RNF41: variants seen among roughly 807,000 people sequenced by gnomAD.
The protein encoded by RNF41 is ring finger protein 41.
In RNF41, 4 loss-of-function variants were observed where a neutral mutation model predicts 33.0. The observed-to-expected ratio is 0.12, with a 90% confidence interval of 0.06 to 0.28. RNF41 has a LOEUF of 0.28. Ranked by LOEUF, RNF41 falls within the 10% of genes least tolerant of loss-of-function variation. The probability of loss-of-function intolerance (pLI) is 1.00; values close to 1 mark genes in which losing one functional copy is unlikely to be tolerated. For missense variants in RNF41, 228 were observed against 432.6 expected (o/e 0.53, Z 4.19); for synonymous variants, 164 against 153.2 (o/e 1.07, Z -0.52).
At position 56,205,317 on chromosome 12, in the gene RNF41, T is replaced by G. The variant is rs1868249477; in HGVS notation, c.*1130A>C. The G allele has an allele frequency of 6.6e-6, 1 of 152,128 alleles. No individual in the cohort carries two copies. The highest frequency in any genetic ancestry group is 2.1e-4 in the South Asian group (1 of 4,832). The allele number at this position is 152,128 out of a possible 1,614,324, so 9.4% of individuals were successfully genotyped here. ...GAGGTTTGGGGCAGATATCGTAAGT[T>G]CAGCCGAGGACTCCCTTGGCTCTTC... is the stretch of plus-strand genomic sequence containing the variant. On this transcript the variant is annotated 3_prime_UTR_variant, in exon 7 of 7. Transcript: ENST00000345093.
chr12:56,204,090 A>C lies in RNF41; in HGVS notation c.*2357T>G, dbSNP rs1488489384. On this transcript the variant is annotated 3_prime_UTR_variant, in exon 7 of 7. Transcript: ENST00000345093. ...ACATTTACGTTCTTAGCTAGGAAAC[A>C]CTGGGAGGTAGAGACTTCTCTGCCT... The C allele has an allele frequency of 6.6e-6, 1 of 152,200 alleles. No homozygotes were observed. The highest frequency in any genetic ancestry group is 1.5e-5 in the Non-Finnish European group (1 of 68,038). 9.4% of individuals were successfully genotyped at this position (152,200 alleles called of 1,614,324 possible).
At position 56,206,707 on chromosome 12, in the gene RNF41, A is replaced by G; in HGVS notation, c.694T>C (p.Ser232Pro). ...DAVLQAVIKR[S>P]LVESGCPASI... ...GCAGGACAGCCACTCTCCACCAGGG[A>G]GCGCTTGATTACAGCCTGGAGCACA... Residue 232 changes from serine (S) to proline (P), a missense_variant, in exon 7 of 7, where the codon TCC becomes CCC. Transcript: ENST00000345093. The surrounding 1 kb of genome is among the most constrained non-coding windows in gnomAD (Gnocchi z 5.7). 6.2e-7 allele frequency: 1 copy of G among 1,614,086 alleles called. No individual in the cohort carries two copies. The highest frequency in any genetic ancestry group is 8.5e-7 in the Non-Finnish European group (1 of 1,180,010).
chr12:56,214,771 G>A (rs1466768098), intron 2 of RNF41, among the ~76,000 whole-genome samples: 2 of 152,118 alleles, frequency 1.3e-5, no homozygotes, highest in Non-Finnish European at 2.9e-5. Flanking sequence ...AGAGGCTGCA[G>A]TGAGCCGAGA....
In RNF41 at chr12:56,206,519, C is replaced by T. The variant is rs906565286; in HGVS notation, c.882G>A (p.Gln294=). Residue 294 remains glutamine, a synonymous_variant, in exon 7 of 7, where the codon CAG becomes CAA. Transcript: ENST00000345093. This position sits in a 1 kb window ranked among gnomAD's most constrained non-coding sequence, Gnocchi z 5.7. The part of the protein sequence containing the change: ...QAVVVMACEN[Q]HMGDDMVQEP... ...CTTGCACCATGTCATCCCCCATGTG[C>T]TGGTTCTCACAGGCCATCACGACAA... 3 of 1,614,108 alleles carry T rather than the reference C, an allele frequency of 1.9e-6. No homozygotes were observed. Among genetic ancestry groups the T allele is most frequent in the African/African-American group, 2.7e-5 (2 of 74,944 alleles).
At chr12:56,211,290 A>C (rs1327120018) in intron 3 of RNF41, among the ~76,000 whole-genome samples, 1 of 151,996 alleles carries the variant, frequency 6.6e-6, no homozygotes. Context: ...GTGAACCAAG[A>C]CTGCACCACT....
intron 3 of RNF41, among the ~76,000 whole-genome samples, chr12:56,212,302 T>G (rs1868541430): frequency 6.6e-6 from 1 of 152,224 alleles, no homozygotes. Flanking sequence ...TTTTGATTTC[T>G]GAACTATGTT....
intron 2 of RNF41, among the ~76,000 whole-genome samples, chr12:56,214,778 G>A (rs1010256815): frequency 2.6e-5 from 4 of 152,012 alleles, no homozygotes; most frequent in African/African-American, 7.3e-5. Flanking sequence ...GCAGTGAGCC[G>A]AGATTGCACC....
At chr12:56,220,539 C>T (rs1360487006) in intron 1 of RNF41, among the ~76,000 whole-genome samples, 4 of 151,712 alleles carry the variant, frequency 2.6e-5, no homozygotes, top group Non-Finnish European at 5.9e-5. Flanking sequence ...TTGAGACCAG[C>T]CTGGCCAACA....
intron 3 of RNF41, among the ~76,000 whole-genome samples, chr12:56,211,178 A>C (rs1868449553): frequency 6.6e-6 from 1 of 151,562 alleles, no homozygotes; most frequent in Non-Finnish European, 1.5e-5. Flanking sequence ...CATCTCGAAA[A>C]AAAAAAGCTG....
Position 56,206,838 on chromosome 12 carries a change from T to A in RNF41, c.603-40A>T. 1.4e-6 allele frequency: 2 copies of A among 1,461,674 alleles called. No individual in the cohort carries two copies. The highest frequency in any genetic ancestry group is 1.9e-6 in the Non-Finnish European group (2 of 1,063,874). 90.5% of individuals were successfully genotyped at this position (1,461,674 alleles called of 1,614,324 possible). Reference sequence around the variant, plus strand: ...TTAAAGATGGTCATTCCAGCTCATCTCCTTTCTCTGTATTGGCTTTTTCTG... The same window carrying A: ...TTAAAGATGGTCATTCCAGCTCATCACCTTTCTCTGTATTGGCTTTTTCTG... On this transcript the variant is annotated intron_variant, in intron 6 of 6. Coordinates refer to ENST00000345093, the MANE Select transcript of RNF41 (RefSeq NM_005785.4). This position sits in a 1 kb window ranked among gnomAD's most constrained non-coding sequence, Gnocchi z 5.7.
intron 3 of RNF41, 119 bp from the exon 4 acceptor site, chr12:56,210,687 C>T: frequency 1.1e-6 from 1 of 931,230 alleles, no homozygotes; most frequent in South Asian, 1.5e-5. Context: ...ACAAGAGGTC[C>T]ACTGGGTCAC....
At position 56,202,391 on chromosome 12, in the gene RNF41, T is replaced by A. The variant is rs1042770395; in HGVS notation, c.*4056A>T. The A allele has an allele frequency of 5.9e-5, 9 of 152,044 alleles. No individual in the cohort carries two copies. Among genetic ancestry groups the A allele is most frequent in the African/African-American group, 2.2e-4 (9 of 41,394 alleles). 9.4% of individuals were successfully genotyped at this position (152,044 alleles called of 1,614,324 possible). ...CCTCCTTCCCCCAGTTCTCCTGACC[T>A]TAAAAGTTTAGAACAGGTTGGCAAA... is the stretch of plus-strand genomic sequence containing the variant. On this transcript the variant is annotated 3_prime_UTR_variant, in exon 7 of 7. Transcript: ENST00000345093.
At chr12:56,213,165 T>C (rs1046978779) in intron 3 of RNF41, 8 of 1,281,930 alleles carry the variant, frequency 6.2e-6, no homozygotes, top group African/African-American at 1.5e-5. Context: ...AGGAAAAAAA[T>C]AGGTCAGTAC....
chr12:56,206,631 T>A lies in RNF41; in HGVS notation c.770A>T (p.Gln257Leu). 1 of 1,614,138 alleles carries A rather than the reference T, an allele frequency of 6.2e-7. No individual in the cohort carries two copies. Among genetic ancestry groups the A allele is most frequent in the Non-Finnish European group, 8.5e-7 (1 of 1,180,018 alleles). Residue 257 changes from glutamine to leucine, a missense_variant, in exon 7 of 7, where the codon CAG becomes CTG. By Grantham distance (113) the Gln-to-Leu change is moderately radical. This residue lies in a region of RNF41 where 199 missense variants were observed against 334.6 expected (regional missense o/e 0.59). Coordinates refer to ENST00000345093, the MANE Select transcript of RNF41 (RefSeq NM_005785.4). The surrounding 1 kb of genome is among the most constrained non-coding windows in gnomAD (Gnocchi z 5.7). ...TCTAGTCTCTAGTGTGGCCAGACCC[T>A]GGGGCCAGCTACGCTCGTGGGCATT... Reference protein sequence around the residue: ...IENAHERSWPQGLATLETRQM... With the variant: ...IENAHERSWPLGLATLETRQM...
At chr12:56,209,271 GC>G (rs1428721276) in intron 4 of RNF41, among the ~76,000 whole-genome samples, 1 of 151,846 alleles carries the variant, frequency 6.6e-6, no homozygotes, top group African/African-American at 2.4e-5. Context: ...TATATTCACA[GC>G]CCCAGCTATC....
chr12:56,219,108 C>T lies in RNF41; in HGVS notation c.-208-2495G>A, dbSNP rs1046785842. ...CCAACCTCCACTTCCCAGGTTCAAA[C>T]AATTCTCCTGCCTCAGCCTCCTGAG... is the stretch of plus-strand genomic sequence containing the variant. On this transcript the variant is annotated intron_variant, in intron 1 of 6. Transcript: ENST00000345093. Among the ~76,000 whole-genome samples the T allele has an allele frequency of 3.3e-5, 5 of 151,782 alleles. No homozygotes were observed. The East Asian group carries it at 7.7e-4, about 23-fold the overall frequency.
intron 2 of RNF41, 145 bp from the exon 3 acceptor site, chr12:56,214,215 A>G: frequency 1.6e-6 from 1 of 608,000 alleles, no homozygotes; most frequent in Non-Finnish European, 3.0e-6. Flanking sequence ...GCTCGGTGGA[A>G]GCTGACTCAA....
At position 56,207,757 on chromosome 12, in the gene RNF41, G is replaced by A. The variant is rs766584729; in HGVS notation, c.499-8C>T. ...CAGCTGGATGTCTCGCTTCTGTTGT[G>A]GGGAAGAAGAACAGGAATAATGGTT... On this transcript the variant is annotated splice_region_variant and splice_polypyrimidine_tract_variant and intron_variant, in intron 5 of 6. Coordinates refer to ENST00000345093, the MANE Select transcript of RNF41 (RefSeq NM_005785.4). 2.3e-5 allele frequency: 37 copies of A among 1,608,190 alleles called. No homozygotes were observed. The highest frequency in any genetic ancestry group is 2.8e-5 in the Non-Finnish European group (33 of 1,174,706).
At chr12:56,213,927 C>A in intron 3 of RNF41, 31 bp downstream of exon 3, 1 of 1,421,084 alleles carries the variant, frequency 7.0e-7, no homozygotes. Flanking sequence ...CTACCTGTTG[C>A]CCCACCAAAC....
Sources: gnomAD v4.1 joint callset for allele counts (sites outside exome capture counted in the v4.1 genomes callset) on GRCh38, gnomAD v4.1.1 for gene constraint, gnomAD v4.1.1 regional missense constraint, Gnocchi (gnomAD v3.1) non-coding constraint, MANE v1.5 for transcripts, NCBI Gene and HGNC (gene_info 2026-07-23, HGNC 2026-07-21) for gene names.